The following RAPGEF2 variants were observed in gnomAD, a reference collection of about 807,000 sequenced individuals.
RAPGEF2 encodes PDZ domain containing guanine nucleotide exchange factor (GEF) 1.
RAPGEF2 carries 54 observed loss-of-function variants against 186.7 expected under a neutral mutation model. The ratio of observed to expected loss-of-function variants is 0.29; its 90% CI spans 0.23 to 0.36. The LOEUF (loss-of-function observed/expected upper bound fraction) is 0.36. Among genes scored for constraint, RAPGEF2 ranks in the 10% least tolerant of loss-of-function variants. RAPGEF2 has a pLI of 1.00. For synonymous variants in RAPGEF2, 712 were observed against 705.9 expected, an observed-to-expected ratio of 1.01 and a Z score of -0.14; for missense variants, 1,532 against 2,045.0, an observed-to-expected ratio of 0.75 and a Z score of 4.84.
At chr4:159,181,346 T>A (rs1191878737) in intron 1 of RAPGEF2, among the ~76,000 whole-genome samples, 1 of 152,168 alleles carries the variant, frequency 6.6e-6, no homozygotes, top group Non-Finnish European at 1.5e-5. Context: ...CTTTTAAAAA[T>A]TTTATTTATT....
intron 1 of RAPGEF2, among the ~76,000 whole-genome samples, chr4:159,106,090 T>C (rs1737844616): frequency 6.6e-6 from 1 of 152,342 alleles, no homozygotes; most frequent in East Asian, 1.9e-4. Context: ...TTGTGTAGAA[T>C]AGAGTAAAAA....
chr4:159,243,635 A>G (rs540627487), intron 6 of RAPGEF2, 139 bp from the exon 7 acceptor site: 4 of 503,140 alleles, frequency 8.0e-6, no homozygotes, highest in African/African-American at 7.9e-5. Context: ...GAAGCATTAT[A>G]CATATAGCTG....
At chr4:159,115,259 A>G (rs1245176145) in intron 1 of RAPGEF2, among the ~76,000 whole-genome samples, 2 of 152,214 alleles carry the variant, frequency 1.3e-5, no homozygotes, top group Non-Finnish European at 2.9e-5. Context: ...AACATTTTAG[A>G]TAATTGTAAA....
chr4:159,330,457 A>T lies in RAPGEF2; in HGVS notation c.1426A>T (p.Lys476Ter). 1 of 1,607,568 alleles carries T rather than the reference A, an allele frequency of 6.2e-7. No homozygotes were observed. The highest frequency in any genetic ancestry group is 8.5e-7 in the Non-Finnish European group (1 of 1,178,392). The change falls in exon 13 of 30, where the codon AAG (lysine) becomes TAG (stop). Residue 476 changes from lysine (K) to a stop codon, truncating the protein, a stop_gained. Transcript: ENST00000691494. LOFTEE classifies it high-confidence loss of function. ...FLSSPMEVGK[K>*]LLEWFNDPSL... ...TTCTAGCCCAATGGAAGTGGGCAAA[A>T]AGTTATTGGAGTGGTTTAATGACCC...
intron 24 of RAPGEF2, 83 bp from the exon 25 acceptor site, chr4:159,346,706 T>C: frequency 8.6e-7 from 1 of 1,165,480 alleles, no homozygotes. Flanking sequence ...CAGAAAATGC[T>C]CACACAGTTC....
At chr4:159,337,780 C>A (rs1238432874) in intron 17 of RAPGEF2, among the ~76,000 whole-genome samples, 2 of 149,722 alleles carry the variant, frequency 1.3e-5, no homozygotes, top group Non-Finnish European at 3.0e-5. Flanking sequence ...GTCCCAGCTA[C>A]TCAGGAGGCT....
At chr4:159,326,332 T>G (rs1765917248) in intron 11 of RAPGEF2, among the ~76,000 whole-genome samples, 1 of 152,192 alleles carries the variant, frequency 6.6e-6, no homozygotes, top group Non-Finnish European at 1.5e-5. Context: ...CTCCATGAGT[T>G]TCTATCATTT....
chr4:159,284,826 G>A (rs1054496965), intron 7 of RAPGEF2, among the ~76,000 whole-genome samples: 12 of 152,198 alleles, frequency 7.9e-5, no homozygotes, highest in Non-Finnish European at 1.6e-4. Flanking sequence ...GCCAAGGCGG[G>A]AGATCACTTG....
At position 159,332,694 on chromosome 4, in the gene RAPGEF2, A is replaced by G. The variant is rs1005310953; in HGVS notation, c.2132A>G (p.Tyr711Cys). ...TRISILPQKP[Y>C]NDIGIGQSQD... ...ATCAGTATCTTGCCACAGAAACCAT[A>G]CAAGTAAGCATCTGCATATGTCTTC... The change falls in exon 17 of 30, where the codon TAC becomes TGC. Residue 711 changes from tyrosine (Y) to cysteine (C), a missense_variant. By Grantham distance (194) the Tyr-to-Cys change is radical. Coordinates refer to ENST00000691494, the MANE Select transcript of RAPGEF2 (RefSeq NM_001394067.2). The G allele has an allele frequency of 6.2e-7, 1 of 1,613,972 alleles. No individual in the cohort carries two copies. The highest frequency in any genetic ancestry group is 2.2e-5 in the East Asian group (1 of 44,864).
intron 3 of RAPGEF2, among the ~76,000 whole-genome samples, chr4:159,196,880 A>G (rs961976000): frequency 6.6e-6 from 1 of 152,244 alleles, no homozygotes; most frequent in Non-Finnish European, 1.5e-5. Flanking sequence ...GTTGGGGGGA[A>G]CATTGTGATT....
intron 3 of RAPGEF2, among the ~76,000 whole-genome samples, chr4:159,208,421 G>A (rs916370127): frequency 5.3e-5 from 8 of 152,122 alleles, no homozygotes; most frequent in African/African-American, 1.9e-4. Context: ...AAAGAAATGG[G>A]GTGTGCTCTG....
chr4:159,266,734 A>T (rs1757480071), intron 7 of RAPGEF2: 1 of 155,202 alleles, frequency 6.4e-6, no homozygotes, highest in African/African-American at 2.4e-5. Flanking sequence ...TTTTTGATAG[A>T]TACTTGTTTA....
intron 7 of RAPGEF2, among the ~76,000 whole-genome samples, chr4:159,251,644 A>G (rs1363249894): frequency 6.6e-6 from 1 of 152,082 alleles, no homozygotes; most frequent in Non-Finnish European, 1.5e-5. Flanking sequence ...GGGGACTTTG[A>G]GAACTTTTAT....
chr4:159,149,791 C>T (rs1308317795), intron 1 of RAPGEF2, among the ~76,000 whole-genome samples: 1 of 152,110 alleles, frequency 6.6e-6, no homozygotes, highest in East Asian at 1.9e-4. Flanking sequence ...AGTGAAATTG[C>T]TTGGTATTGG....
chr4:159,201,028 A>G (rs1394285487), intron 3 of RAPGEF2, among the ~76,000 whole-genome samples: 1 of 152,206 alleles, frequency 6.6e-6, no homozygotes, highest in Admixed American at 6.5e-5. Context: ...AATTTGGCGT[A>G]TACTTCATGT....
intron 7 of RAPGEF2, among the ~76,000 whole-genome samples, chr4:159,265,460 C>G (rs965416993): frequency 1.3e-5 from 2 of 152,170 alleles, no homozygotes; most frequent in African/African-American, 4.8e-5. Flanking sequence ...GAGGAAATAA[C>G]ATGTGCAAAG....
At chr4:159,145,530 CA>C (rs1742868266) in intron 1 of RAPGEF2, among the ~76,000 whole-genome samples, 1 of 151,322 alleles carries the variant, frequency 6.6e-6, no homozygotes, top group Non-Finnish European at 1.5e-5. Context: ...AAACATTTGC[CA>C]AAAACATTGC....
intron 20 of RAPGEF2, 26 bp from the exon 21 acceptor site, chr4:159,342,953 T>C (rs768780927): frequency 1.1e-5 from 18 of 1,598,332 alleles, no homozygotes; most frequent in Admixed American, 1.7e-5. Context: ...TTAGTTGTTA[T>C]ACCATGTTTC....
intron 17 of RAPGEF2, among the ~76,000 whole-genome samples, chr4:159,336,851 C>T (rs1212479522): frequency 6.6e-6 from 1 of 152,048 alleles, no homozygotes; most frequent in Non-Finnish European, 1.5e-5. Flanking sequence ...TAAATTTCTT[C>T]ATTTTATTTA....
Sources: gnomAD v4.1 joint callset for allele counts (sites outside exome capture counted in the v4.1 genomes callset) on GRCh38, gnomAD v4.1.1 for gene constraint, MANE v1.5 for transcripts, NCBI Gene and HGNC (gene_info 2026-07-23, HGNC 2026-07-21) for gene names.